The following RAD21 variants were observed in gnomAD, a reference collection of about 807,000 sequenced individuals.
The protein encoded by RAD21 is double-strand-break repair protein rad21 homolog.
Under a neutral mutation model 71.5 loss-of-function variants are expected in RAD21, and 18 were observed. That is an observed-to-expected ratio of 0.25 (90% confidence interval 0.17 to 0.37). RAD21 has a LOEUF of 0.37. Ranked by LOEUF, RAD21 falls within the 10% of genes least tolerant of loss-of-function variation. RAD21 has a pLI of 1.00. For missense variants in RAD21, 493 were observed against 769.1 expected, an observed-to-expected ratio of 0.64 and a Z score of 4.25; for synonymous variants, 248 against 254.0, an observed-to-expected ratio of 0.98 and a Z score of 0.22.
chr8:116,858,546 A>AT, intron 4 of RAD21, 88 bp from the exon 5 acceptor site: 10 of 1,022,312 alleles, frequency 9.8e-6, no homozygotes, highest in Non-Finnish European at 1.4e-5. Context: ...AAATTAAAAA[A>AT]ATATATATGT....
intron 9 of RAD21, among the ~76,000 whole-genome samples, chr8:116,853,775 G>A (rs1020734929): frequency 6.6e-6 from 1 of 152,066 alleles, no homozygotes; most frequent in Non-Finnish European, 1.5e-5. Flanking sequence ...ACACCTGTGA[G>A]TCTTATTTTG....
Position 116,854,481 on chromosome 8 carries a change from TA to T in RAD21, c.938-14del, listed in dbSNP as rs774690551. ...TTTGTTTCTTTAACTGGAATGATAA[TA>T]AAAAATAAGATCATTTTCCTGAGAG... On this transcript the variant is annotated splice_polypyrimidine_tract_variant and intron_variant, in intron 8 of 13. Coordinates refer to ENST00000297338, the MANE Select transcript of RAD21 (RefSeq NM_006265.3). 5.0e-6 allele frequency: 8 copies of T among 1,596,454 alleles called. No individual in the cohort carries two copies. In the Admixed American group the frequency reaches 1.3e-4, roughly 27 times the overall value.
At chr8:116,872,220 CTA>C (rs1812837743) in intron 1 of RAD21, among the ~76,000 whole-genome samples, 1 of 152,180 alleles carries the variant, frequency 6.6e-6, no homozygotes, top group Admixed American at 6.5e-5. Context: ...AAATACTACA[CTA>C]TTTCATATAA....
In RAD21 at chr8:116,852,713, T is replaced by TAAA. The variant is rs369816312; in HGVS notation, c.1162-8_1162-6dup. On this transcript the variant is annotated splice_polypyrimidine_tract_variant and splice_region_variant and intron_variant, in intron 9 of 13. Coordinates refer to ENST00000297338, the MANE Select transcript of RAD21 (RefSeq NM_006265.3). Reference sequence around the variant, plus strand: ...TGTAAGACAGCGTGTAAAGAGCTATTAAAAAAAAAAAAAAGAAAAATTTCA... The same window carrying TAAA: ...TGTAAGACAGCGTGTAAAGAGCTATTAAAAAAAAAAAAAAAAAGAAAAATTTCA... 5.8e-5 allele frequency: 68 copies of TAAA among 1,178,338 alleles called. No homozygotes were observed. The highest frequency in any genetic ancestry group is 2.1e-4 in the South Asian group (10 of 47,940). The allele number at this position is 1,178,338 out of a possible 1,614,324, so 73.0% of individuals were successfully genotyped here. A position where few individuals can be genotyped will look rare whatever the true frequency, so the allele number is the denominator to read the frequency against.
At chr8:116,866,365 G>A (rs1046176948) in intron 2 of RAD21, among the ~76,000 whole-genome samples, 2 of 151,432 alleles carry the variant, frequency 1.3e-5, no homozygotes, top group Non-Finnish European at 2.9e-5. Flanking sequence ...TTAAAAATAG[G>A]CAAATCAAAA....
Position 116,874,737 on chromosome 8 carries a change from A to T in RAD21, c.-159T>A, listed in dbSNP as rs1563697344. On this transcript the variant is annotated 5_prime_UTR_variant, in exon 1 of 14. Coordinates refer to ENST00000297338, the MANE Select transcript of RAD21 (RefSeq NM_006265.3). ...TCCGAGCAGCTCCCGCCGCCGCCAC[A>T]GCCGGCGCCTCCTTTCCGATTCACT... 2.2e-6 allele frequency: 1 copy of T among 454,160 alleles called. No homozygotes were observed. 28.1% of individuals were successfully genotyped at this position (454,160 alleles called of 1,614,324 possible).
In RAD21 at chr8:116,854,532, A is replaced by G. The variant is rs1812422581; in HGVS notation, c.938-64T>C. 4.9e-6 allele frequency: 6 copies of G among 1,217,160 alleles called. No individual in the cohort carries two copies. In the Admixed American group the frequency reaches 1.1e-4, roughly 22 times the overall value. The allele number at this position is 1,217,160 out of a possible 1,614,324, so 75.4% of individuals were successfully genotyped here. On this transcript the variant is annotated intron_variant, in intron 8 of 13. Transcript: ENST00000297338. The stretch of plus-strand genomic sequence containing the variant: ...GGCCAGCATGGAACACACAGCTACA[A>G]GATCTGGACTGACTATATTCCCCTG...
intron 4 of RAD21, among the ~76,000 whole-genome samples, chr8:116,860,384 G>T (rs558275072): frequency 2.6e-5 from 4 of 152,170 alleles, no homozygotes; most frequent in Non-Finnish European, 5.9e-5. Context: ...CTATCGGGTA[G>T]CATTGTACGC....
chr8:116,857,448 C>T lies in RAD21; in HGVS notation c.507G>A (p.Glu169=). 6.2e-7 allele frequency: 1 copy of T among 1,613,272 alleles called. No homozygotes were observed. Among genetic ancestry groups the T allele is most frequent in the Non-Finnish European group, 8.5e-7 (1 of 1,179,672 alleles). Reference sequence around the variant, plus strand: ...CAAAAGCACTGCCTTCTCTCATTATCTCACGATCATCCATTCCAAAATCAC... The same window carrying T: ...CAAAAGCACTGCCTTCTCTCATTATTTCACGATCATCCATTCCAAAATCAC... ...DFGDFGMDDR[E]IMREGSAFED... The change falls in exon 6 of 14, where the codon GAG becomes GAA. Residue 169 remains glutamate, a synonymous_variant. Coordinates refer to ENST00000297338, the MANE Select transcript of RAD21 (RefSeq NM_006265.3).
At chr8:116,872,778 C>T (rs1344536171) in intron 1 of RAD21, among the ~76,000 whole-genome samples, 1 of 152,154 alleles carries the variant, frequency 6.6e-6, no homozygotes, top group Non-Finnish European at 1.5e-5. Flanking sequence ...CAGATCAGAA[C>T]GGAGCTACCT....
rs768077375 is a variant in RAD21, at chr8:116,852,033, TTTG to T, written c.1382_1384del (p.Thr461del). On this transcript the variant is annotated inframe_deletion, in exon 11 of 14. Coordinates refer to ENST00000297338, the MANE Select transcript of RAD21 (RefSeq NM_006265.3). ...TGGAGGCATAGCTGACTCATCTATG[TTTG>T]TTCTGCTGGCCTCCATCACTGACTC... 2.7e-5 allele frequency: 44 copies of T among 1,612,966 alleles called. No homozygotes were observed. The highest frequency in any genetic ancestry group is 3.6e-5 in the Non-Finnish European group (43 of 1,179,032).
intron 1 of RAD21, among the ~76,000 whole-genome samples, chr8:116,867,595 A>C (rs1423598050): frequency 6.6e-6 from 1 of 152,250 alleles, no homozygotes; most frequent in African/African-American, 2.4e-5. Context: ...TCACGGATTT[A>C]AAAGAAATCT....
At chr8:116,861,811 C>G (rs370351836) in intron 4 of RAD21, 30 bp downstream of exon 4, 6 of 1,546,806 alleles carry the variant, frequency 3.9e-6, no homozygotes, top group Non-Finnish European at 4.5e-6. Context: ...CAGACCAAGT[C>G]AACAATTTTT....
chr8:116,870,145 T>G (rs987838740), intron 1 of RAD21, among the ~76,000 whole-genome samples: 8 of 152,164 alleles, frequency 5.3e-5, no homozygotes, highest in Non-Finnish European at 1.2e-4. Context: ...TAATTCATAC[T>G]AAAAAAACTT....
intron 13 of RAD21, among the ~76,000 whole-genome samples, chr8:116,847,902 T>C (rs1812277935): frequency 6.6e-6 from 1 of 152,094 alleles, no homozygotes; most frequent in African/African-American, 2.4e-5. Flanking sequence ...CCTGTGGCAA[T>C]CAGTGAATTC....
intron 9 of RAD21, 42 bp downstream of exon 9, chr8:116,854,203 C>A: frequency 1.4e-6 from 2 of 1,438,278 alleles, no homozygotes; most frequent in Non-Finnish European, 1.9e-6. Flanking sequence ...TTTTTAGATG[C>A]TCAAAATGTA....
rs529086838 is a variant in RAD21 at position 116,860,756 on chromosome 8, C to T, written c.374+1085G>A. Among the ~76,000 whole-genome samples the T allele has an allele frequency of 7.9e-5, 12 of 152,238 alleles. No homozygotes were observed. The East Asian group carries it at 2.3e-3, about 29-fold the overall frequency. The stretch of plus-strand genomic sequence containing the variant: ...GGTGGAACCAAACCCACAGTATCTC[C>T]AAGGTATGTCTATATTAAGGAATAA... On this transcript the variant is annotated intron_variant, in intron 4 of 13. Transcript: ENST00000297338.
chr8:116,869,307 A>T (rs1812760904), intron 1 of RAD21, among the ~76,000 whole-genome samples: 1 of 152,232 alleles, frequency 6.6e-6, no homozygotes. Flanking sequence ...AAAAGAGGCC[A>T]GGCAGGCTGG....
chr8:116,862,436 TGTA>T (rs1586272752), intron 3 of RAD21, among the ~76,000 whole-genome samples: 1 of 152,116 alleles, frequency 6.6e-6, no homozygotes, highest in East Asian at 1.9e-4. Flanking sequence ...ATTTAAGTAT[TGTA>T]GTCTTTTTCT....
Sources: gnomAD v4.1 joint callset for allele counts (sites outside exome capture counted in the v4.1 genomes callset) on GRCh38, gnomAD v4.1.1 for gene constraint, MANE v1.5 for transcripts, NCBI Gene and HGNC (gene_info 2026-07-23, HGNC 2026-07-21) for gene names.